ATP1A4: variants seen among roughly 807,000 people sequenced by gnomAD.
ATP1A4 encodes the protein ATPase Na+/K+ transporting subunit alpha 4.
Under a neutral mutation model 114.3 loss-of-function variants are expected in ATP1A4, and 90 were observed. The ratio of observed to expected loss-of-function variants is 0.79; its 90% CI spans 0.66 to 0.94. ATP1A4 has a LOEUF of 0.94. ATP1A4 is among the 40% of genes least tolerant of loss of function. The pLI, the probability that ATP1A4 is intolerant of heterozygous loss-of-function variation, is 0.00. For missense variants in ATP1A4, 1,222 were observed against 1,313.6 expected, an observed-to-expected ratio of 0.93 and a Z score of 1.08; for synonymous variants, 511 against 494.1, an observed-to-expected ratio of 1.03 and a Z score of -0.45.
Position 160,173,719 on chromosome 1 carries a change from T to C in ATP1A4, c.1991+2T>C. 1 of 1,613,974 alleles carries C rather than the reference T, an allele frequency of 6.2e-7. No homozygotes were observed. The highest frequency in any genetic ancestry group is 1.7e-5 in the Admixed American group (1 of 59,992). On this transcript the variant is annotated splice_donor_variant, in intron 13 of 21. Transcript: ENST00000368081. LOFTEE classifies it high-confidence loss of function. ...CCCTATCAGCAAGGTCGATGCCAGG[T>C]GAGATCACTAAAGAACTCAAGATCT...
intron 18 of ATP1A4, among the ~76,000 whole-genome samples, chr1:160,180,195 G>A (rs1027231654): frequency 2.0e-5 from 3 of 152,152 alleles, no homozygotes; most frequent in Admixed American, 6.5e-5. Flanking sequence ...TGACTGATTG[G>A]TCTTATTCTA....
chr1:160,174,851 C>T, intron 15 of ATP1A4, 104 bp downstream of exon 15: 2 of 1,521,644 alleles, frequency 1.3e-6, no homozygotes, highest in African/African-American at 1.4e-5. Context: ...CCTCCATGAG[C>T]CTGTACGGGC....
At chr1:160,180,399 C>G (rs544643554) in intron 18 of ATP1A4, among the ~76,000 whole-genome samples, 15 of 128,320 alleles carry the variant, frequency 1.2e-4, no homozygotes, top group African/African-American at 3.3e-4. Flanking sequence ...GTTTTTAAAA[C>G]AGAAGCTTTT....
Position 160,174,147 on chromosome 1 carries a change from G to T in ATP1A4, c.2028G>T (p.Leu676=), listed in dbSNP as rs571007580. 1.3e-5 allele frequency: 21 copies of T among 1,614,170 alleles called. No individual in the cohort carries two copies. The Admixed American group carries it at 3.5e-4, about 27-fold the overall frequency. Residue 676 remains leucine (L), a synonymous_variant, in exon 14 of 22, where the codon CTG becomes CTT. Transcript: ENST00000368081. ...CCATTGTGGTGCATGGTGCAGAACT[G>T]AAGGACATACAGTCCAAGCAGCTTG... The part of the protein sequence containing the change: ...AKAIVVHGAE[L]KDIQSKQLDQ...
In ATP1A4 at chr1:160,151,902, T is replaced by C. The variant is rs900596570; in HGVS notation, c.-139T>C. 3 of 969,764 alleles carry C rather than the reference T, an allele frequency of 3.1e-6. No individual in the cohort carries two copies. The highest frequency in any genetic ancestry group is 4.4e-6 in the Non-Finnish European group (3 of 675,278). 60.1% of individuals were successfully genotyped at this position (969,764 alleles called of 1,614,324 possible). On this transcript the variant is annotated 5_prime_UTR_variant, in exon 1 of 22. Transcript: ENST00000368081. Reference sequence around the variant, plus strand: ...CCCAACACCTCCCTCCCTGCCTCTTTCTTTCTGCTCCCTCATTCTCTCCCC... The same window carrying C: ...CCCAACACCTCCCTCCCTGCCTCTTCCTTTCTGCTCCCTCATTCTCTCCCC...
rs571656686 is a variant in ATP1A4, at chr1:160,159,535, C to T, written c.778+9C>T. 4.4e-6 allele frequency: 7 copies of T among 1,603,276 alleles called. No homozygotes were observed. Among genetic ancestry groups the T allele is most frequent in the African/African-American group, 2.7e-5 (2 of 74,626 alleles). On this transcript the variant is annotated intron_variant, in intron 6 of 21. Coordinates refer to ENST00000368081, the MANE Select transcript of ATP1A4 (RefSeq NM_144699.4). ...CACCAACTGTGTGGAAGGTGAATAT[C>T]GAACCATAAGTAGCATAGATTCAAA...
At chr1:160,167,179 C>T in intron 9 of ATP1A4, 99 bp from the exon 10 acceptor site, 1 of 1,562,758 alleles carries the variant, frequency 6.4e-7, no homozygotes, top group Non-Finnish European at 8.8e-7. Context: ...CCCCAGGTAC[C>T]CGCCCTCCCC....
At chr1:160,182,330 T>C (rs1653735530) in intron 20 of ATP1A4, among the ~76,000 whole-genome samples, 1 of 152,246 alleles carries the variant, frequency 6.6e-6, no homozygotes, top group African/African-American at 2.4e-5. Context: ...TGTCCAAGGA[T>C]ACATATTGCT....
chr1:160,181,922 C>A lies in ATP1A4; in HGVS notation c.2868-8C>A. 6.2e-7 allele frequency: 1 copy of A among 1,614,038 alleles called. No individual in the cohort carries two copies. Among genetic ancestry groups the A allele is most frequent in the Non-Finnish European group, 8.5e-7 (1 of 1,179,898 alleles). On this transcript the variant is annotated splice_region_variant and splice_polypyrimidine_tract_variant and intron_variant, in intron 19 of 21. Coordinates refer to ENST00000368081, the MANE Select transcript of ATP1A4 (RefSeq NM_144699.4). ...CTCCCCGCCACACCCATGAATGTTT[C>A]TTCCCAGAAACAAAGTCTTAATATT...
At chr1:160,176,366 C>A in intron 16 of ATP1A4, 113 bp from the exon 17 acceptor site, 1 of 1,582,892 alleles carries the variant, frequency 6.3e-7, no homozygotes, top group Non-Finnish European at 8.7e-7. Context: ...AGCTCTCGCA[C>A]CTCCTGCAAG....
chr1:160,174,007 T>G, intron 13 of ATP1A4, 104 bp from the exon 14 acceptor site: 2 of 1,374,544 alleles, frequency 1.5e-6, no homozygotes, highest in African/African-American at 1.4e-5. Flanking sequence ...GTGAGGAGAC[T>G]AGGTTGAAAG....
chr1:160,156,209 A>G (rs765199852), intron 4 of ATP1A4, 51 bp downstream of exon 4: 105 of 1,261,468 alleles, frequency 8.3e-5, no homozygotes, highest in Admixed American at 3.4e-4. Context: ...GATGTGGCCA[A>G]ATACACAATG....
chr1:160,181,735 G>A lies in ATP1A4; in HGVS notation c.2788G>A (p.Val930Ile). 1 of 1,613,812 alleles carries A rather than the reference G, an allele frequency of 6.2e-7. No homozygotes were observed. Among genetic ancestry groups the A allele is most frequent in the Non-Finnish European group, 8.5e-7 (1 of 1,179,968 alleles). Residue 930 changes from valine (V) to isoleucine (I), a missense_variant, in exon 19 of 22, where the codon GTC (valine) becomes ATC (isoleucine). Transcript: ENST00000368081. ...GTTCACATGCCAAACGGCCTTTTTT[G>A]TCACCATCGTGGTTGTGCAGTGGGC... The part of the protein sequence containing the change: ...VEFTCQTAFF[V>I]TIVVVQWADL...
intron 18 of ATP1A4, among the ~76,000 whole-genome samples, chr1:160,181,158 C>T (rs1159342250): frequency 2.0e-5 from 3 of 152,178 alleles, no homozygotes; most frequent in South Asian, 4.1e-4. Context: ...AGTGCTTGTT[C>T]TTGAGAAGCT....
rs765037902 is a variant in ATP1A4, at chr1:160,153,162, C to T, written c.148-3C>T. On this transcript the variant is annotated splice_polypyrimidine_tract_variant and splice_region_variant and intron_variant, in intron 1 of 21. Coordinates refer to ENST00000368081, the MANE Select transcript of ATP1A4 (RefSeq NM_144699.4). ...TCCCTCAATGCCTCTACTGTCCCCT[C>T]AGGATGATCACAAATTAACCTTGGA... 5.6e-6 allele frequency: 9 copies of T among 1,613,922 alleles called. No individual in the cohort carries two copies. The highest frequency in any genetic ancestry group is 1.7e-5 in the Admixed American group (1 of 60,020).
intron 3 of ATP1A4, 42 bp from the exon 4 acceptor site, chr1:160,156,003 G>A (rs769449780): frequency 1.1e-5 from 13 of 1,235,358 alleles, no homozygotes; most frequent in Middle Eastern, 3.8e-4. Flanking sequence ...TGAAGAAGAC[G>A]ACAAGGTCCC....
At chr1:160,181,042 T>C (rs1356428866) in intron 18 of ATP1A4, among the ~76,000 whole-genome samples, 1 of 152,048 alleles carries the variant, frequency 6.6e-6, no homozygotes, top group East Asian at 1.9e-4. Flanking sequence ...TCCACCTTCT[T>C]CTCTTACCCT....
At chr1:160,175,834 C>A (rs1653441203) in intron 15 of ATP1A4, among the ~76,000 whole-genome samples, 1 of 152,112 alleles carries the variant, frequency 6.6e-6, no homozygotes, top group African/African-American at 2.4e-5. Flanking sequence ...CAGGATTAAC[C>A]AGGCCCAACC....
intron 4 of ATP1A4, among the ~76,000 whole-genome samples, chr1:160,156,769 C>A (rs1367317157): frequency 1.3e-5 from 2 of 152,102 alleles, no homozygotes; most frequent in Non-Finnish European, 1.5e-5. Flanking sequence ...CCAACCTGGG[C>A]AAGACCCTGT....
Sources: allele counts gnomAD v4.1 joint callset (sites outside exome capture counted in the v4.1 genomes callset), GRCh38; gene constraint gnomAD v4.1.1; transcripts MANE v1.5; gene names NCBI Gene and HGNC (gene_info 2026-07-23, HGNC 2026-07-21).